HDAC10: variants seen among roughly 807,000 people sequenced by gnomAD.
HDAC10 encodes the protein polyamine deacetylase HDAC10.
HDAC10 carries 90 observed loss-of-function variants against 82.3 expected under a neutral mutation model. The observed-to-expected ratio is 1.09, with a 90% confidence interval of 0.92 to 1.30. HDAC10 has a LOEUF of 1.30. Ranked by LOEUF, HDAC10 falls within the 50% of genes most tolerant of loss-of-function variation. The pLI is 0.00. For synonymous variants in HDAC10, 456 were observed against 391.7 expected (o/e 1.16, Z -1.94); for missense variants, 934 against 876.3 (o/e 1.07, Z -0.83).
Position 50,249,511 on chromosome 22 carries a change from A to G in HDAC10, c.564-57T>C, listed in dbSNP as rs2065034924. 1.9e-6 allele frequency: 3 copies of G among 1,608,400 alleles called. No individual in the cohort carries two copies. The highest frequency in any genetic ancestry group is 4.5e-5 in the East Asian group (2 of 44,788). ...AGGTCAGGACCCTCAACAGCTCTAC[A>G]GCTCCCTGTAGAACGCTGACCCCTG... On this transcript the variant is annotated intron_variant, in intron 6 of 19. Coordinates refer to ENST00000216271, the MANE Select transcript of HDAC10 (RefSeq NM_032019.6). This position sits in a 1 kb window ranked among gnomAD's most constrained non-coding sequence, Gnocchi z 4.4.
Position 50,249,621 on chromosome 22 carries a change from G to C in HDAC10, c.563+14C>G, listed in dbSNP as rs755517128. The C allele has an allele frequency of 1.2e-6, 2 of 1,612,576 alleles. No homozygotes were observed. On this transcript the variant is annotated intron_variant, in intron 6 of 19. Transcript: ENST00000216271. This position sits in a 1 kb window ranked among gnomAD's most constrained non-coding sequence, Gnocchi z 4.4. ...GGGGCTGCAGGGAAGGGTGGTTTCC[G>C]CACCCCTGCTCACCTGGGGTCATCC...
chr22:50,248,551 C>T lies in HDAC10; in HGVS notation c.907-79G>A. The T allele has an allele frequency of 6.7e-7, 1 of 1,498,388 alleles. No homozygotes were observed. Among genetic ancestry groups the T allele is most frequent in the Non-Finnish European group, 9.0e-7 (1 of 1,112,910 alleles). The allele number at this position is 1,498,388 out of a possible 1,614,324, so 92.8% of individuals were successfully genotyped here. A position where few individuals can be genotyped will look rare whatever the true frequency, so the allele number is the denominator to read the frequency against. The stretch of plus-strand genomic sequence containing the variant: ...TCACCGGGAGAGCCCCTGCCTGGCT[C>T]TATCCCGGGCAGGACGCCCCTCCCA... On this transcript the variant is annotated intron_variant, in intron 10 of 19. Coordinates refer to ENST00000216271, the MANE Select transcript of HDAC10 (RefSeq NM_032019.6). The surrounding 1 kb of genome is among the most constrained non-coding windows in gnomAD (Gnocchi z 5.4).
In HDAC10 at chr22:50,249,703, C is replaced by A. The variant is rs756884230; in HGVS notation, c.495G>T (p.Arg165Ser). ...GCACATCCCAGTCCACGACGAGGAT[C>A]CTGGGTACAGACAGCGCTGGTGGCA... ...AHAKQKHGLH[R>S]ILVVDWDVHH... The change falls in exon 6 of 20, where the codon AGG becomes AGT. Residue 165 changes from arginine (R) to serine (S), a missense_variant and splice_region_variant. By Grantham distance (110) the Arg-to-Ser change is moderately radical (BLOSUM62 -1). Coordinates refer to ENST00000216271, the MANE Select transcript of HDAC10 (RefSeq NM_032019.6). The surrounding 1 kb of genome is among the most constrained non-coding windows in gnomAD (Gnocchi z 4.4). 4.3e-6 allele frequency: 7 copies of A among 1,612,722 alleles called. No homozygotes were observed. The South Asian group carries it at 7.7e-5, about 18-fold the overall frequency.
rs929644724 is a variant in HDAC10 at position 50,245,817 on chromosome 22, G to C, written c.1844C>G (p.Pro615Arg). ...VLALLEENST[P>R]QLAGILARVL... ...CCGGGCCAGGATCCCTGCTAGCTGG[G>C]GTGTGGAGTTCTGGACCAGGGGCGA... Residue 615 changes from proline to arginine, a missense_variant, in exon 19 of 20, where the codon CCC becomes CGC. Transcript: ENST00000216271. The C allele has an allele frequency of 5.7e-6, 9 of 1,574,622 alleles. No individual in the cohort carries two copies. In the African/African-American group the frequency reaches 9.5e-5, roughly 17 times the overall value.
chr22:50,248,996 A>T lies in HDAC10; in HGVS notation c.757-106T>A. 6.9e-7 allele frequency: 1 copy of T among 1,447,850 alleles called. No homozygotes were observed. Among genetic ancestry groups the T allele is most frequent in the Non-Finnish European group, 9.5e-7 (1 of 1,050,164 alleles). 89.7% of individuals were successfully genotyped at this position (1,447,850 alleles called of 1,614,324 possible). A position where few individuals can be genotyped will look rare whatever the true frequency, so the allele number is the denominator to read the frequency against. On this transcript the variant is annotated intron_variant, in intron 8 of 19. Coordinates refer to ENST00000216271, the MANE Select transcript of HDAC10 (RefSeq NM_032019.6). This position sits in a 1 kb window ranked among gnomAD's most constrained non-coding sequence, Gnocchi z 5.4. ...CCTCCTGAGCACCTTCCCCAGCCACACAGGAGTGGGACAGCTCATAACCCT... is the reference window on the plus strand; with the variant it reads ...CCTCCTGAGCACCTTCCCCAGCCACTCAGGAGTGGGACAGCTCATAACCCT...
At chr22:50,246,603 C>T (rs2064953734) in intron 16 of HDAC10, 76 bp downstream of exon 16, 2 of 1,443,576 alleles carry the variant, frequency 1.4e-6, no homozygotes, top group Non-Finnish European at 1.9e-6. Flanking sequence ...ACCCGTCACC[C>T]TGGGGCCCAG....
chr22:50,246,140 C>T (rs1380558895), intron 17 of HDAC10, 48 bp from the exon 18 acceptor site: 2 of 1,564,654 alleles, frequency 1.3e-6, no homozygotes, highest in Admixed American at 1.8e-5. Context: ...CACCTGCTGG[C>T]TCTGGCCTCC....
rs540719166 is a variant in HDAC10, at chr22:50,250,571, A to AG, written c.195-49dup. The AG allele has an allele frequency of 7.5e-3, 8,477 of 1,130,926 alleles. 40 individuals are homozygous for AG. The highest frequency in any genetic ancestry group is 9.7e-3 in the Non-Finnish European group (7,311 of 753,282). The allele number at this position is 1,130,926 out of a possible 1,614,324, so 70.1% of individuals were successfully genotyped here. A position where few individuals can be genotyped will look rare whatever the true frequency, so the allele number is the denominator to read the frequency against. ...GAGAGGCAGGGTCACCAGCAGGAGC[A>AG]GGGGGGCGGGAGGCGGGGACCTGGG... On this transcript the variant is annotated intron_variant, in intron 2 of 19. Transcript: ENST00000216271.
chr22:50,245,209 G>A lies in HDAC10; in HGVS notation c.*298C>T, dbSNP rs2064910578. On this transcript the variant is annotated 3_prime_UTR_variant, in exon 20 of 20. Coordinates refer to ENST00000216271, the MANE Select transcript of HDAC10 (RefSeq NM_032019.6). ...TTCGTTTGAGCGATGTTTACTAACG[G>A]CGCAAGGGCGGGGAGCGAAGCGCAG... The A allele has an allele frequency of 3.6e-6, 2 of 556,720 alleles. No homozygotes were observed. The highest frequency in any genetic ancestry group is 6.4e-5 in the East Asian group (2 of 31,262). 34.5% of individuals were successfully genotyped at this position (556,720 alleles called of 1,614,324 possible).
Position 50,249,670 on chromosome 22 carries a change from G to A in HDAC10, c.528C>T (p.Gly176=). 1 of 1,612,918 alleles carries A rather than the reference G, an allele frequency of 6.2e-7. No homozygotes were observed. The highest frequency in any genetic ancestry group is 8.5e-7 in the Non-Finnish European group (1 of 1,179,990). ...CCTCAAAGAGATACTGGATCCCCTGGCCATGGTGCACATCCCAGTCCACGA... is the reference window on the plus strand; with the variant it reads ...CCTCAAAGAGATACTGGATCCCCTGACCATGGTGCACATCCCAGTCCACGA... ...ILVVDWDVHH[G]QGIQYLFEDD... Residue 176 remains glycine (G), a synonymous_variant, in exon 6 of 20, where the codon GGC becomes GGT. Transcript: ENST00000216271. The surrounding 1 kb of genome is among the most constrained non-coding windows in gnomAD (Gnocchi z 4.4).
In HDAC10 at chr22:50,248,683, G is replaced by A. The variant is rs763953124; in HGVS notation, c.885C>T (p.Gly295=). 3 of 1,527,268 alleles carry A rather than the reference G, an allele frequency of 2.0e-6. No homozygotes were observed. Among genetic ancestry groups the A allele is most frequent in the Non-Finnish European group, 8.8e-7 (1 of 1,134,930 alleles). The allele number at this position is 1,527,268 out of a possible 1,614,324, so 94.6% of individuals were successfully genotyped here. Residue 295 remains glycine, a synonymous_variant, in exon 10 of 20, where the codon GGC becomes GGT. Transcript: ENST00000216271. The surrounding 1 kb of genome is among the most constrained non-coding windows in gnomAD (Gnocchi z 5.4). The part of the protein sequence containing the change: ...LTQLLQVLAG[G]RVCAVLEGGY... ...TCACCTCCAGCACGGCACAGACCCG[G>A]CCGCCGGCCAGCACCTGCAGCAGCT...
In HDAC10 at chr22:50,249,019, C is replaced by A; in HGVS notation, c.756+84G>T. On this transcript the variant is annotated intron_variant, in intron 8 of 19. Transcript: ENST00000216271. The surrounding 1 kb of genome is among the most constrained non-coding windows in gnomAD (Gnocchi z 4.4). ...ACACAGGAGTGGGACAGCTCATAAC[C>A]CTCCTCCTGCCTTCACTGGCGCACT... is the stretch of plus-strand genomic sequence containing the variant. The A allele has an allele frequency of 6.9e-7, 1 of 1,441,752 alleles. No individual in the cohort carries two copies. Among genetic ancestry groups the A allele is most frequent in the Admixed American group, 1.9e-5 (1 of 51,304 alleles). The allele number at this position is 1,441,752 out of a possible 1,614,324, so 89.3% of individuals were successfully genotyped here. A position where few individuals can be genotyped will look rare whatever the true frequency, so the allele number is the denominator to read the frequency against.
At position 50,247,919 on chromosome 22, in the gene HDAC10, G is replaced by C; in HGVS notation, c.1308C>G (p.Ala436=). The C allele has an allele frequency of 6.2e-7, 1 of 1,612,792 alleles. No homozygotes were observed. Residue 436 remains alanine, a synonymous_variant, in exon 13 of 20, where the codon GCC becomes GCG. Transcript: ENST00000216271. ...CCCAGGCTTCTGTCTCCTCCCTCAGGGCTGACGCTTCCTGTTGGATGACGT... is the reference window on the plus strand; with the variant it reads ...CCCAGGCTTCTGTCTCCTCCCTCAGCGCTGACGCTTCCTGTTGGATGACGT... ...PPDVIQQEAS[A]LREETEAWAR...
Position 50,249,059 on chromosome 22 carries a change from C to G in HDAC10, c.756+44G>C, listed in dbSNP as rs533458019. 1 of 1,524,040 alleles carries G rather than the reference C, an allele frequency of 6.6e-7. No individual in the cohort carries two copies. The highest frequency in any genetic ancestry group is 1.4e-5 in the African/African-American group (1 of 73,020). The allele number at this position is 1,524,040 out of a possible 1,614,324, so 94.4% of individuals were successfully genotyped here. On this transcript the variant is annotated intron_variant, in intron 8 of 19. Coordinates refer to ENST00000216271, the MANE Select transcript of HDAC10 (RefSeq NM_032019.6). This position sits in a 1 kb window ranked among gnomAD's most constrained non-coding sequence, Gnocchi z 4.4. ...ACTGGCGCACTCCAGGCACAAGGTC[C>G]CCCTCCCACCCGGCTGCCCTGGGGG...
Position 50,249,666 on chromosome 22 carries a change from C to T in HDAC10, c.532G>A (p.Gly178Arg), listed in dbSNP as rs751584968. The T allele has an allele frequency of 3.1e-6, 5 of 1,612,888 alleles. No homozygotes were observed. The highest frequency in any genetic ancestry group is 4.2e-6 in the Non-Finnish European group (5 of 1,179,974). Residue 178 changes from glycine (G) to arginine (R), a missense_variant, in exon 6 of 20, where the codon GGG (glycine) becomes AGG (arginine). Transcript: ENST00000216271. This position sits in a 1 kb window ranked among gnomAD's most constrained non-coding sequence, Gnocchi z 4.4. Reference sequence around the variant, plus strand: ...TCATCCTCAAAGAGATACTGGATCCCCTGGCCATGGTGCACATCCCAGTCC... The same window carrying T: ...TCATCCTCAAAGAGATACTGGATCCTCTGGCCATGGTGCACATCCCAGTCC... The part of the protein sequence containing the change: ...VVDWDVHHGQ[G>R]IQYLFEDDPS...
chr22:50,249,278 G>T lies in HDAC10; in HGVS notation c.690+50C>A. ...AGGGTGAACTGTGGGGGAGGGGAGG[G>T]GCCCAGGGGGAGGGGGCTGGGTGGG... is the stretch of plus-strand genomic sequence containing the variant. On this transcript the variant is annotated intron_variant, in intron 7 of 19. Transcript: ENST00000216271. This position sits in a 1 kb window ranked among gnomAD's most constrained non-coding sequence, Gnocchi z 4.4. 7.3e-7 allele frequency: 1 copy of T among 1,373,868 alleles called. No homozygotes were observed. The highest frequency in any genetic ancestry group is 1.3e-5 in the South Asian group (1 of 74,976). The allele number at this position is 1,373,868 out of a possible 1,614,324, so 85.1% of individuals were successfully genotyped here.
At chr22:50,250,402 G>T in intron 3 of HDAC10, 25 bp downstream of exon 3, 2 of 1,604,722 alleles carry the variant, frequency 1.2e-6, no homozygotes, top group Non-Finnish European at 1.7e-6. Context: ...TGTCTGCACA[G>T]GTGAGTGTGT....
Position 50,248,283 on chromosome 22 carries a change from C to G in HDAC10, c.1023G>C (p.Glu341Asp). 6.2e-7 allele frequency: 1 copy of G among 1,612,494 alleles called. No homozygotes were observed. The highest frequency in any genetic ancestry group is 8.5e-7 in the Non-Finnish European group (1 of 1,179,888). ...GPMAPCQSAL[E>D]SIQSARAAQA... ...GGGCAGCACGGGCACTCTGGATGGA[C>G]TCTAGGGCACTGTGAGGGAGACACA... is the stretch of plus-strand genomic sequence containing the variant. The change falls in exon 12 of 20, where the codon GAG (glutamate) becomes GAC (aspartate). Residue 341 changes from glutamate (E) to aspartate (D), a missense_variant. Transcript: ENST00000216271. This position sits in a 1 kb window ranked among gnomAD's most constrained non-coding sequence, Gnocchi z 5.4.
In HDAC10 at chr22:50,251,130, G is replaced by GA; in HGVS notation, c.-99dup. The GA allele has an allele frequency of 7.5e-7, 1 of 1,331,612 alleles. No homozygotes were observed. Among genetic ancestry groups the GA allele is most frequent in the South Asian group, 1.3e-5 (1 of 76,052 alleles). The allele number at this position is 1,331,612 out of a possible 1,614,324, so 82.5% of individuals were successfully genotyped here. A position where few individuals can be genotyped will look rare whatever the true frequency, so the allele number is the denominator to read the frequency against. On this transcript the variant is annotated 5_prime_UTR_variant, in exon 1 of 20. Coordinates refer to ENST00000216271, the MANE Select transcript of HDAC10 (RefSeq NM_032019.6). The stretch of plus-strand genomic sequence containing the variant: ...CGGCCGGGAGCAGCCGGAGGCCTGG[G>GA]ACCTGCCTGGGGCGCAGGCGGGCGG...
Sources: allele counts gnomAD v4.1 joint callset, GRCh38; gene constraint gnomAD v4.1.1; non-coding constraint Gnocchi (gnomAD v3.1); transcripts MANE v1.5; gene names NCBI Gene and HGNC (gene_info 2026-07-23, HGNC 2026-07-21).